The following METTL24 variants were observed in gnomAD, a reference collection of about 807,000 sequenced individuals.
The protein encoded by METTL24 is methyltransferase like 24, also known as probable methyltransferase-like protein 24.
A neutral mutation model predicts 32.7 loss-of-function variants in METTL24; 29 were observed. The ratio of observed to expected loss-of-function variants is 0.89; its 90% confidence interval spans 0.66 to 1.21. The LOEUF (loss-of-function observed/expected upper bound fraction) is 1.21. Ranked by LOEUF, METTL24 falls within the 50% of genes most tolerant of loss-of-function variation. METTL24 has a pLI of 0.00. For synonymous variants in METTL24, 163 were observed against 179.5 expected (o/e 0.91, Z 0.73); for missense variants, 439 against 468.1 (o/e 0.94, Z 0.57).
chr6:110,267,711 G>A (rs1770881611), intron 4 of METTL24, among the ~76,000 whole-genome samples: 1 of 152,182 alleles, frequency 6.6e-6, no homozygotes, highest in Non-Finnish European at 1.5e-5. Flanking sequence ...TGGAGGCTAG[G>A]TAATTTATAA....
chr6:110,356,805 A>C (rs903639916), intron 1 of METTL24, among the ~76,000 whole-genome samples: 2 of 152,254 alleles, frequency 1.3e-5, no homozygotes, highest in Admixed American at 6.5e-5. Flanking sequence ...GCGAGATAGA[A>C]AAAGGTATTT....
At chr6:110,303,695 C>T (rs1771578801) in intron 3 of METTL24, among the ~76,000 whole-genome samples, 1 of 152,184 alleles carries the variant, frequency 6.6e-6, no homozygotes, top group Non-Finnish European at 1.5e-5. Flanking sequence ...CTTCCATCTC[C>T]CTGGGTCAGA....
chr6:110,357,379 G>A (rs1772718545), intron 1 of METTL24: 1 of 152,184 alleles, frequency 6.6e-6, no homozygotes, highest in Non-Finnish European at 1.5e-5. Flanking sequence ...AAGTGGGGCT[G>A]GGTGCTCGGC....
intron 4 of METTL24, among the ~76,000 whole-genome samples, chr6:110,248,792 T>A (rs182423187): frequency 1.3e-5 from 2 of 152,080 alleles, no homozygotes; most frequent in East Asian, 3.9e-4. Context: ...ACATTATTAA[T>A]AAAGAAATTA....
At chr6:110,308,951 G>A (rs1005369890) in intron 3 of METTL24, among the ~76,000 whole-genome samples, 4 of 152,144 alleles carry the variant, frequency 2.6e-5, no homozygotes, top group Non-Finnish European at 5.9e-5. Context: ...TGGCAGACTG[G>A]GGATGGAGAG....
rs145994966 is a variant in METTL24, at chr6:110,349,237, G to A, written c.318+8718C>T. On this transcript the variant is annotated intron_variant, in intron 1 of 4. Transcript: ENST00000338882. Reference sequence around the variant, plus strand: ...GGATGGTCCCTCTAGCATTGGGTGGGACTGAGCAACTGGCTCTGACCATTG... The same window carrying A: ...GGATGGTCCCTCTAGCATTGGGTGGAACTGAGCAACTGGCTCTGACCATTG... Among the ~76,000 whole-genome samples, 507 of 152,340 alleles carry A rather than the reference G, an allele frequency of 3.3e-3. 3 individuals carry two copies. Among genetic ancestry groups the A allele is most frequent in the African/African-American group, 0.012 (482 of 41,574 alleles).
chr6:110,334,458 G>T (rs935443182), intron 1 of METTL24, among the ~76,000 whole-genome samples: 1 of 152,138 alleles, frequency 6.6e-6, no homozygotes, highest in Non-Finnish European at 1.5e-5. Flanking sequence ...GCCACACGTG[G>T]CACAGGACAT....
intron 1 of METTL24, among the ~76,000 whole-genome samples, chr6:110,345,794 G>C (rs980386583): frequency 6.6e-6 from 1 of 152,184 alleles, no homozygotes; most frequent in African/African-American, 2.4e-5. Context: ...TGGAGGATGG[G>C]AGGAGGGAGA....
rs149937094 is a variant in METTL24, at chr6:110,341,550, C to T, written c.318+16405G>A. Among the ~76,000 whole-genome samples, 379 of 152,240 alleles carry T rather than the reference C, an allele frequency of 2.5e-3. 3 individuals carry two copies. Among genetic ancestry groups the T allele is most frequent in the African/African-American group, 8.8e-3 (366 of 41,560 alleles). ...AGAAATGTAAGATATACTTGAAATT[C>T]TAACCTGACAAAATTGCTGAAATTA... On this transcript the variant is annotated intron_variant, in intron 1 of 4. Coordinates refer to ENST00000338882, the MANE Select transcript of METTL24 (RefSeq NM_001123364.3).
intron 4 of METTL24, among the ~76,000 whole-genome samples, chr6:110,297,638 G>A (rs1324531762): frequency 2.0e-5 from 3 of 152,130 alleles, no homozygotes; most frequent in African/African-American, 7.2e-5. Flanking sequence ...CAAAGGTAAC[G>A]AGTGGCAAAA....
intron 4 of METTL24, among the ~76,000 whole-genome samples, chr6:110,275,816 T>C (rs1318616808): frequency 1.3e-5 from 2 of 152,214 alleles, no homozygotes; most frequent in Non-Finnish European, 2.9e-5. Flanking sequence ...GTAGTTAATA[T>C]ATAACAAGCA....
intron 2 of METTL24, among the ~76,000 whole-genome samples, chr6:110,320,728 C>T (rs1301076433): frequency 1.3e-5 from 2 of 152,074 alleles, no homozygotes; most frequent in African/African-American, 2.4e-5. Flanking sequence ...TCCTCAGGGC[C>T]CAGAACAGTT....
At chr6:110,294,732 C>T (rs1200916618) in intron 4 of METTL24, among the ~76,000 whole-genome samples, 1 of 151,946 alleles carries the variant, frequency 6.6e-6, no homozygotes, top group Non-Finnish European at 1.5e-5. Flanking sequence ...CACATAAATA[C>T]TTATCAAAGG....
intron 2 of METTL24, among the ~76,000 whole-genome samples, chr6:110,321,329 A>G (rs1408481415): frequency 6.6e-6 from 1 of 152,360 alleles, no homozygotes; most frequent in Non-Finnish European, 1.5e-5. Flanking sequence ...TGACCATTTC[A>G]TGCCTCAATA....
intron 4 of METTL24, among the ~76,000 whole-genome samples, chr6:110,259,520 T>C (rs1177488249): frequency 1.3e-5 from 2 of 152,232 alleles, no homozygotes; most frequent in East Asian, 3.8e-4. Context: ...TGCCTGCCTC[T>C]GTGGACTCCA....
chr6:110,343,314 A>G (rs1297417901), intron 1 of METTL24, among the ~76,000 whole-genome samples: 1 of 152,262 alleles, frequency 6.6e-6, no homozygotes, highest in East Asian at 1.9e-4. Context: ...AGCCATAGCT[A>G]GGATGAGGGG....
chr6:110,345,486 T>C (rs1009673535), intron 1 of METTL24, among the ~76,000 whole-genome samples: 6 of 152,214 alleles, frequency 3.9e-5, no homozygotes, highest in East Asian at 1.9e-4. Context: ...TGAATGTTCA[T>C]TGCAGCCCTA....
intron 4 of METTL24, among the ~76,000 whole-genome samples, chr6:110,259,366 T>C (rs553905423): frequency 6.6e-6 from 1 of 152,288 alleles, no homozygotes; most frequent in African/African-American, 2.4e-5. Context: ...GCCTTGCTCA[T>C]TGCTTGCACA....
chr6:110,292,882 G>A (rs1771345035), intron 4 of METTL24, among the ~76,000 whole-genome samples: 2 of 151,958 alleles, frequency 1.3e-5, no homozygotes, highest in African/African-American at 4.8e-5. Flanking sequence ...ATTTGAGATA[G>A]TGCCTTTATC....
Sources: allele counts gnomAD v4.1 joint callset (sites outside exome capture counted in the v4.1 genomes callset), GRCh38; gene constraint gnomAD v4.1.1; transcripts MANE v1.5; gene names NCBI Gene and HGNC (gene_info 2026-07-23, HGNC 2026-07-21).